OLA1: variants seen among roughly 807,000 people sequenced by gnomAD.
The protein encoded by OLA1 is Obg like ATPase 1.
A neutral mutation model predicts 48.4 loss-of-function variants in OLA1; 14 were observed. That is an observed-to-expected ratio of 0.29 (90% confidence interval 0.19 to 0.45). OLA1 has a LOEUF of 0.45. Ranked by LOEUF, OLA1 falls within the 20% of genes least tolerant of loss-of-function variation. OLA1 has a pLI of 1.00. For synonymous variants in OLA1, 127 were observed against 150.4 expected (o/e 0.84, Z 1.14); for missense variants, 325 against 467.1 (o/e 0.70, Z 2.80).
intron 7 of OLA1, among the ~76,000 whole-genome samples, chr2:174,095,732 G>C (rs909146624): frequency 1.3e-5 from 2 of 152,136 alleles, no homozygotes; most frequent in Non-Finnish European, 2.9e-5. Flanking sequence ...TCAAGAAAGT[G>C]AAAAGGCAGT....
chr2:174,126,224 T>C (rs1277595464), intron 5 of OLA1, among the ~76,000 whole-genome samples: 7 of 152,124 alleles, frequency 4.6e-5, no homozygotes, highest in Admixed American at 1.3e-4. Context: ...TTGGATATAA[T>C]ACTTATTGGT....
chr2:174,171,422 CCTAT>C (rs1687300030), intron 4 of OLA1, among the ~76,000 whole-genome samples: 1 of 151,922 alleles, frequency 6.6e-6, no homozygotes, highest in South Asian at 2.1e-4. Flanking sequence ...GAGGATGATC[CCTAT>C]CTATTAAAAA....
chr2:174,188,059 G>C (rs6729988), intron 4 of OLA1, among the ~76,000 whole-genome samples: 20,430 of 152,152 alleles, frequency 0.13, 1,814 homozygotes, highest in Non-Finnish European at 0.2. Flanking sequence ...CGGCCAAAAT[G>C]GTTCTGAATC....
At chr2:174,139,721 C>T (rs769772536) in intron 5 of OLA1, among the ~76,000 whole-genome samples, 2 of 151,852 alleles carry the variant, frequency 1.3e-5, no homozygotes, top group African/African-American at 2.4e-5. Context: ...AAAAATTAGC[C>T]GGGTGTGGTG....
At chr2:174,198,419 T>C (rs1217984000) in intron 4 of OLA1, among the ~76,000 whole-genome samples, 4 of 152,154 alleles carry the variant, frequency 2.6e-5, no homozygotes, top group Non-Finnish European at 4.4e-5. Flanking sequence ...TCTGGATATT[T>C]TCAAATAACT....
At chr2:174,162,041 C>A (rs192753193) in intron 4 of OLA1, among the ~76,000 whole-genome samples, 2 of 152,194 alleles carry the variant, frequency 1.3e-5, no homozygotes, top group East Asian at 1.9e-4. Context: ...GGCTCCTAAT[C>A]TCAAAGGCAG....
intron 4 of OLA1, among the ~76,000 whole-genome samples, chr2:174,165,652 A>G (rs1183386752): frequency 6.6e-6 from 1 of 152,202 alleles, no homozygotes; most frequent in Non-Finnish European, 1.5e-5. Flanking sequence ...AATGTAAAAT[A>G]ATTTGTTTAA....
chr2:174,108,696 G>A (rs1459422310), intron 7 of OLA1, among the ~76,000 whole-genome samples: 2 of 152,072 alleles, frequency 1.3e-5, no homozygotes, highest in Non-Finnish European at 2.9e-5. Flanking sequence ...AGCTTAATGT[G>A]TACCACATGC....
chr2:174,229,403 T>G lies in OLA1; in HGVS notation c.150A>C (p.Glu50Asp). The G allele has an allele frequency of 6.2e-7, 1 of 1,613,690 alleles. No homozygotes were observed. Among genetic ancestry groups the G allele is most frequent in the Non-Finnish European group, 8.5e-7 (1 of 1,179,798 alleles). ...GATCAATAGTGCAGAACGGGAAGTT[T>G]TCTGCTGAAGCCTGACTATTGGTTA... ...NVLTNSQASA[E>D]NFPFCTIDPN... Residue 50 changes from glutamate to aspartate, a missense_variant, in exon 3 of 11, where the codon GAA becomes GAC. Glu to Asp is a conservative substitution (Grantham distance 45, BLOSUM62 2). Transcript: ENST00000284719.
intron 4 of OLA1, among the ~76,000 whole-genome samples, chr2:174,206,189 T>TA (rs1688110869): frequency 6.6e-6 from 1 of 152,226 alleles, no homozygotes; most frequent in Non-Finnish European, 1.5e-5. Context: ...TCTCAATACT[T>TA]ACATTTTTAA....
At chr2:174,135,174 A>AAAAG (rs1451825058) in intron 5 of OLA1, among the ~76,000 whole-genome samples, 2 of 151,800 alleles carry the variant, frequency 1.3e-5, no homozygotes, top group African/African-American at 4.8e-5. Flanking sequence ...AAAAAAAAAA[A>AAAAG]AAAAAGAAAT....
intron 2 of OLA1, among the ~76,000 whole-genome samples, chr2:174,245,850 C>T (rs551168008): frequency 1.3e-5 from 2 of 151,292 alleles, no homozygotes; most frequent in Admixed American, 6.6e-5. Flanking sequence ...GCTGAGATCA[C>T]GTCACTGCAC....
At chr2:174,164,408 A>G (rs898500296) in intron 4 of OLA1, among the ~76,000 whole-genome samples, 1 of 54,014 alleles carries the variant, frequency 1.9e-5, no homozygotes, top group African/African-American at 8.9e-5. Flanking sequence ...TGATCCCACG[A>G]AACGGTTTAA....
intron 4 of OLA1, among the ~76,000 whole-genome samples, chr2:174,196,483 T>C (rs1687880410): frequency 6.6e-6 from 1 of 152,198 alleles, no homozygotes; most frequent in African/African-American, 2.4e-5. Flanking sequence ...TTTTAAATAA[T>C]AGTCAATAGC....
At chr2:174,089,812 G>A (rs956574742) in intron 7 of OLA1, among the ~76,000 whole-genome samples, 1 of 151,476 alleles carries the variant, frequency 6.6e-6, no homozygotes, top group Non-Finnish European at 1.5e-5. Context: ...TGAGGTGGGA[G>A]GATCGCTTCA....
chr2:174,242,062 G>A (rs943234841), intron 2 of OLA1, among the ~76,000 whole-genome samples: 3 of 152,210 alleles, frequency 2.0e-5, no homozygotes, highest in Non-Finnish European at 4.4e-5. Flanking sequence ...AGTATGGTAT[G>A]GCAGTTTACA....
chr2:174,112,837 T>C (rs1057217332), intron 7 of OLA1, among the ~76,000 whole-genome samples: 5 of 152,196 alleles, frequency 3.3e-5, no homozygotes, highest in Non-Finnish European at 7.3e-5. Context: ...AATTACCTAG[T>C]CTGTGGTATC....
chr2:174,076,948 C>CA, intron 10 of OLA1, among the ~76,000 whole-genome samples: 1 of 152,068 alleles, frequency 6.6e-6, no homozygotes, highest in East Asian at 1.9e-4. Flanking sequence ...AAATCAAGTA[C>CA]ATATTGACAT....
chr2:174,110,983 T>C (rs1319874510), intron 7 of OLA1, among the ~76,000 whole-genome samples: 2 of 152,244 alleles, frequency 1.3e-5, no homozygotes, highest in East Asian at 3.8e-4. Flanking sequence ...AATCTATCTA[T>C]GTTCATACAC....
Sources: allele counts gnomAD v4.1 joint callset (sites outside exome capture counted in the v4.1 genomes callset), GRCh38; gene constraint gnomAD v4.1.1; transcripts MANE v1.5; gene names NCBI Gene and HGNC (gene_info 2026-07-23, HGNC 2026-07-21).